AKAP11: variants seen among roughly 807,000 people sequenced by gnomAD.
The protein encoded by AKAP11 is A-kinase anchor protein 11.
AKAP11 carries 36 observed loss-of-function variants against 146.1 expected under a neutral mutation model. The observed-to-expected ratio is 0.25, with a 90% confidence interval of 0.19 to 0.33. AKAP11 has a LOEUF of 0.33. Ranked by LOEUF, AKAP11 falls within the 10% of genes least tolerant of loss-of-function variation. The probability of loss-of-function intolerance (pLI) is 1.00; values close to 1 mark genes in which losing one functional copy is unlikely to be tolerated. For synonymous variants in AKAP11, 780 were observed against 786.5 expected (o/e 0.99, Z 0.14); for missense variants, 2,201 against 2,197.0 (o/e 1.00, Z -0.04).
chr13:42,297,116 A>G lies in AKAP11; in HGVS notation c.285A>G (p.Glu95=). Residue 95 remains glutamate, a synonymous_variant, in exon 6 of 13, where the codon GAA becomes GAG. Coordinates refer to ENST00000025301, the MANE Select transcript of AKAP11 (RefSeq NM_016248.4). ...CACTCCACTTCTGCAGTCTAAATGA[A>G]AATGAAATTATTTGTATGAAGAATA... ...LNSLHFCSLN[E]NEIICMKNIN... is the part of the protein sequence containing the mutation. 1 of 1,587,142 alleles carries G rather than the reference A, an allele frequency of 6.3e-7. No individual in the cohort carries two copies. Among genetic ancestry groups the G allele is most frequent in the Non-Finnish European group, 8.6e-7 (1 of 1,166,132 alleles).
In AKAP11 at chr13:42,303,589, A is replaced by G. The variant is rs1423148364; in HGVS notation, c.4843A>G (p.Ser1615Gly). Residue 1615 changes from serine (S) to glycine (G), a missense_variant, in exon 8 of 13, where the codon AGT (serine) becomes GGT (glycine). Ser to Gly is a moderately conservative substitution (Grantham distance 56). Coordinates refer to ENST00000025301, the MANE Select transcript of AKAP11 (RefSeq NM_016248.4). ...HFFRQGSLASSKPASNPKFSS... is the reference protein window; with the variant it reads ...HFFRQGSLASGKPASNPKFSS... ...TTTCAGACAGGGTTCTCTCGCCAGT[A>G]GTAAGCCAGCTTCTAATCCAAAATT... 1.9e-6 allele frequency: 3 copies of G among 1,614,128 alleles called. No individual in the cohort carries two copies. The highest frequency in any genetic ancestry group is 1.3e-5 in the African/African-American group (1 of 74,954).
At chr13:42,276,065 G>A (rs959223877) in intron 1 of AKAP11, among the ~76,000 whole-genome samples, 5 of 151,988 alleles carry the variant, frequency 3.3e-5, no homozygotes, top group South Asian at 2.1e-4. Context: ...CTTTTATGCC[G>A]GTCCTGGAAC....
intron 1 of AKAP11, among the ~76,000 whole-genome samples, chr13:42,284,352 G>C (rs1160103622): frequency 6.6e-6 from 1 of 152,168 alleles, no homozygotes; most frequent in Non-Finnish European, 1.5e-5. Context: ...ACTTTACTTA[G>C]GAGCCTTCTT....
In AKAP11 at chr13:42,323,244, C is replaced by T. The variant is rs1961158378; in HGVS notation, c.*4016C>T. On this transcript the variant is annotated 3_prime_UTR_variant, in exon 13 of 13. Coordinates refer to ENST00000025301, the MANE Select transcript of AKAP11 (RefSeq NM_016248.4). ...TTTCTTCTCCCAGCTAAGAGTTCTT[C>T]AATAAATTTAAGAAATACCTGGTCT... The T allele has an allele frequency of 2.0e-5, 3 of 152,592 alleles. No homozygotes were observed. The allele number at this position is 152,592 out of a possible 1,614,324, so 9.5% of individuals were successfully genotyped here.
chr13:42,298,189 A>G (rs9533059), intron 6 of AKAP11, among the ~76,000 whole-genome samples: 18,753 of 152,086 alleles, frequency 0.12, 1,300 homozygotes, highest in South Asian at 0.17. Context: ...ACAATTTATA[A>G]TAGTTAGTGA....
chr13:42,317,595 C>T lies in AKAP11; in HGVS notation c.5472C>T (p.Pro1824=), dbSNP rs766289811. 10 of 1,614,124 alleles carry T rather than the reference C, an allele frequency of 6.2e-6. No individual in the cohort carries two copies. The South Asian group carries it at 7.7e-5, about 12-fold the overall frequency. The change falls in exon 12 of 13, where the codon CCC becomes CCT. Residue 1824 remains proline, a synonymous_variant. Transcript: ENST00000025301. ...NIDMEPCTVD[P]QLRIILQWLI... is the part of the protein sequence containing the mutation. ...ACATGGAGCCATGCACGGTAGACCCCCAGCTAAGGATTATTCTTCAGTGGC... is the reference window on the plus strand; with the variant it reads ...ACATGGAGCCATGCACGGTAGACCCTCAGCTAAGGATTATTCTTCAGTGGC...
rs1959251157 is a variant in AKAP11 at position 42,292,430 on chromosome 13, A to T, written c.97A>T (p.Ser33Cys). 4 of 1,595,964 alleles carry T rather than the reference A, an allele frequency of 2.5e-6. No homozygotes were observed. The highest frequency in any genetic ancestry group is 1.1e-5 in the South Asian group (1 of 88,222). ...VFQSVKSLLQSQKELCSVTAE... is the reference protein window; with the variant it reads ...VFQSVKSLLQCQKELCSVTAE... ...CCAGTCTGTAAAGTCTTTATTGCAG[A>T]GTCAGAAGGAACTATGCAGTGTAAC... The change falls in exon 4 of 13, where the codon AGT becomes TGT. Residue 33 changes from serine (S) to cysteine (C), a missense_variant. Ser to Cys is a moderately radical substitution (Grantham distance 112). This residue lies in a region of AKAP11 where 331 missense variants were observed against 347.4 expected (regional missense o/e 0.95). Transcript: ENST00000025301.
chr13:42,307,660 GGGAGGAGTGGGCCAGGGAGAACATA>G (rs1374795379), intron 8 of AKAP11, among the ~76,000 whole-genome samples: 3 of 151,930 alleles, frequency 2.0e-5, no homozygotes, highest in Admixed American at 6.6e-5. Flanking sequence ...TTGCTGAAGT[GGGAGGAGTGGGCCAGGGAGAACATA>G]GGAGGAGTGG....
intron 10 of AKAP11, 66 bp downstream of exon 10, chr13:42,313,196 T>C (rs1348182316): frequency 1.4e-5 from 18 of 1,249,076 alleles, no homozygotes; most frequent in Non-Finnish European, 2.0e-5. Context: ...TGTCATATTC[T>C]TCAAAGAATG....
intron 1 of AKAP11, among the ~76,000 whole-genome samples, chr13:42,272,466 G>T (rs1324953141): frequency 6.6e-6 from 1 of 152,230 alleles, no homozygotes; most frequent in Non-Finnish European, 1.5e-5. Context: ...AGAGTAGAGG[G>T]AGGTGCTGGG....
chr13:42,273,299 A>T (rs1200715487), intron 1 of AKAP11, among the ~76,000 whole-genome samples: 1 of 152,184 alleles, frequency 6.6e-6, no homozygotes, highest in Non-Finnish European at 1.5e-5. Flanking sequence ...TCATCATTTT[A>T]GGATGGCAGC....
intron 9 of AKAP11, among the ~76,000 whole-genome samples, 196 bp downstream of exon 9, chr13:42,308,805 T>C (rs548669017): frequency 1.3e-5 from 2 of 152,368 alleles, no homozygotes; most frequent in Non-Finnish European, 2.9e-5. Flanking sequence ...GCTAATTTTA[T>C]TGGGGTGTGC....
chr13:42,287,116 C>T (rs1463420928), intron 3 of AKAP11, among the ~76,000 whole-genome samples: 1 of 152,100 alleles, frequency 6.6e-6, no homozygotes, highest in Non-Finnish European at 1.5e-5. Context: ...CTTTGCTAAT[C>T]TTTCCAAATT....
intron 5 of AKAP11, among the ~76,000 whole-genome samples, chr13:42,296,234 C>T (rs1251106715): frequency 6.6e-6 from 1 of 152,088 alleles, no homozygotes; most frequent in African/African-American, 2.4e-5. Flanking sequence ...GAGGAAATAA[C>T]ATTTTTAGGT....
chr13:42,317,837 T>G, intron 12 of AKAP11, 149 bp downstream of exon 12: 1 of 844,124 alleles, frequency 1.2e-6, no homozygotes, highest in South Asian at 1.9e-5. Context: ...CTCTGCCACT[T>G]TCTAGCAGTA....
chr13:42,299,357 C>T lies in AKAP11; in HGVS notation c.617-6C>T. ...ATAATTTCACCATTTCATTCTTTTC[C>T]TATAGGAATGAACATTACTGTGCTA... On this transcript the variant is annotated splice_region_variant and splice_polypyrimidine_tract_variant and intron_variant, in intron 7 of 12. Coordinates refer to ENST00000025301, the MANE Select transcript of AKAP11 (RefSeq NM_016248.4). 7 of 1,574,598 alleles carry T rather than the reference C, an allele frequency of 4.4e-6. No individual in the cohort carries two copies. The highest frequency in any genetic ancestry group is 2.4e-5 in the South Asian group (2 of 83,512).
intron 1 of AKAP11, among the ~76,000 whole-genome samples, chr13:42,275,538 A>G (rs1490356290): frequency 6.6e-6 from 1 of 152,216 alleles, no homozygotes; most frequent in Non-Finnish European, 1.5e-5. Context: ...AGGAGAGTGG[A>G]CAGGGAGGAA....
At chr13:42,286,577 T>C (rs937512477) in intron 3 of AKAP11, among the ~76,000 whole-genome samples, 178 bp downstream of exon 3, 3 of 152,202 alleles carry the variant, frequency 2.0e-5, no homozygotes, top group African/African-American at 7.2e-5. Context: ...ATGATTACAG[T>C]GATTTTATTT....
At chr13:42,313,217 T>A in intron 10 of AKAP11, 87 bp downstream of exon 10, 2 of 962,002 alleles carry the variant, frequency 2.1e-6, no homozygotes, top group South Asian at 1.6e-5. Context: ...TGGGTTACAG[T>A]GCCAGTATGT....
Sources: allele counts gnomAD v4.1 joint callset (sites outside exome capture counted in the v4.1 genomes callset), GRCh38; gene constraint gnomAD v4.1.1; regional missense constraint gnomAD v4.1.1; transcripts MANE v1.5; gene names NCBI Gene and HGNC (gene_info 2026-07-23, HGNC 2026-07-21).